Variants in SEMA6D observed in about 807,000 individuals in gnomAD.
SEMA6D encodes the protein semaphorin 6D, also known as semaphorin-6D.
Under a neutral mutation model 106.6 loss-of-function variants are expected in SEMA6D, and 35 were observed. The ratio of observed to expected loss-of-function variants is 0.33; its 90% confidence interval spans 0.25 to 0.44. The LOEUF (loss-of-function observed/expected upper bound fraction) is 0.44. Among genes scored for constraint, SEMA6D ranks in the 20% least tolerant of loss-of-function variants. The pLI is 1.00. For synonymous variants in SEMA6D, 499 were observed against 487.7 expected, an observed-to-expected ratio of 1.02 and a Z score of -0.31; for missense variants, 1,185 against 1,345.9, an observed-to-expected ratio of 0.88 and a Z score of 1.87.
intron 3 of SEMA6D, among the ~76,000 whole-genome samples, chr15:47,513,056 A>C (rs1168299818): frequency 6.6e-6 from 1 of 152,168 alleles, no homozygotes; most frequent in East Asian, 1.9e-4. Context: ...AAATTTCAAT[A>C]GCTTCTGAAA....
intron 1 of SEMA6D, among the ~76,000 whole-genome samples, chr15:47,189,844 C>T (rs1417026690): frequency 6.6e-6 from 1 of 152,156 alleles, no homozygotes; most frequent in Non-Finnish European, 1.5e-5. Flanking sequence ...TATTAGTACA[C>T]TAAATGTGCT....
In SEMA6D at chr15:47,563,397, C is replaced by A. The variant is rs2046136165; in HGVS notation, c.-86-37468C>A. Among the ~76,000 whole-genome samples the A allele has an allele frequency of 2.0e-5, 3 of 152,148 alleles. No individual in the cohort carries two copies. The South Asian group carries it at 6.2e-4, about 31-fold the overall frequency. On this transcript the variant is annotated intron_variant, in intron 3 of 19. Coordinates refer to the SEMA6D transcript ENST00000558014. ...ATGCCACTATATAGGCCACTCTTCT[C>A]ATCAGGAATAATAATTTGTTAAAAG...
At chr15:47,652,348 C>T (rs1164753555) in intron 4 of SEMA6D, among the ~76,000 whole-genome samples, 5 of 152,106 alleles carry the variant, frequency 3.3e-5, no homozygotes, top group African/African-American at 1.2e-4. Context: ...GGGTTAAGAT[C>T]AGTTTTACCA....
At chr15:47,437,955 G>A (rs895680991) in intron 2 of SEMA6D, among the ~76,000 whole-genome samples, 1 of 152,064 alleles carries the variant, frequency 6.6e-6, no homozygotes, top group African/African-American at 2.4e-5. Context: ...TGATGTGTGT[G>A]GTGGAGGGAG....
chr15:47,202,312 A>G (rs998003751), intron 1 of SEMA6D, among the ~76,000 whole-genome samples: 2 of 152,062 alleles, frequency 1.3e-5, no homozygotes, highest in African/African-American at 4.8e-5. Context: ...GAAACGGGTG[A>G]TCAACAGCTT....
intron 1 of SEMA6D, among the ~76,000 whole-genome samples, chr15:47,280,174 G>A (rs1056876209): frequency 6.6e-6 from 1 of 152,096 alleles, no homozygotes; most frequent in African/African-American, 2.4e-5. Flanking sequence ...TTCTTGGTTG[G>A]TAAGCTATTG....
chr15:47,590,417 A>C (rs368917872), intron 3 of SEMA6D, among the ~76,000 whole-genome samples: 5 of 152,216 alleles, frequency 3.3e-5, no homozygotes, highest in African/African-American at 9.6e-5. Context: ...CATTAGGAGA[A>C]ATATCTAACG....
At chr15:47,364,212 G>A (rs2038923122) in intron 1 of SEMA6D, among the ~76,000 whole-genome samples, 2 of 152,168 alleles carry the variant, frequency 1.3e-5, no homozygotes, top group African/African-American at 2.4e-5. Context: ...GACTTGCTCC[G>A]AAACAAAACT....
intron 3 of SEMA6D, among the ~76,000 whole-genome samples, chr15:47,495,085 T>C (rs1477090673): frequency 6.6e-6 from 1 of 151,644 alleles, no homozygotes; most frequent in Admixed American, 6.6e-5. Context: ...GTCAACTCCA[T>C]GAGGGACTAA....
chr15:47,249,640 T>C (rs1416800634), intron 1 of SEMA6D, among the ~76,000 whole-genome samples: 3 of 152,078 alleles, frequency 2.0e-5, no homozygotes. Flanking sequence ...GCTGAATCTA[T>C]TTCCCAGAAG....
intron 2 of SEMA6D, among the ~76,000 whole-genome samples, chr15:47,467,717 C>A (rs1203577898): frequency 6.6e-6 from 1 of 152,094 alleles, no homozygotes; most frequent in Non-Finnish European, 1.5e-5. Flanking sequence ...TCTTTTCTTT[C>A]CCTGCCAGGA....
intron 1 of SEMA6D, among the ~76,000 whole-genome samples, chr15:47,298,614 G>T (rs1207383983): frequency 1.3e-5 from 2 of 152,122 alleles, no homozygotes; most frequent in African/African-American, 4.8e-5. Context: ...TCTGTGCAAT[G>T]CTCCATCAAC....
intron 1 of SEMA6D, among the ~76,000 whole-genome samples, chr15:47,202,307 G>T (rs542736373): frequency 1.3e-5 from 2 of 152,014 alleles, no homozygotes; most frequent in African/African-American, 2.4e-5. Context: ...CAACTGAAAC[G>T]GGTGATCAAC....
chr15:47,256,267 G>T (rs2033798138), intron 1 of SEMA6D, among the ~76,000 whole-genome samples: 1 of 152,156 alleles, frequency 6.6e-6, no homozygotes. Flanking sequence ...GATTTTGATA[G>T]AAGTTGCGTT....
At chr15:47,633,271 C>T (rs115541795) in intron 4 of SEMA6D, among the ~76,000 whole-genome samples, 1,861 of 152,058 alleles carry the variant, frequency 0.012, 40 homozygotes, top group African/African-American at 0.043. Context: ...TTCCTTTCTT[C>T]AGTCATTATT....
At chr15:47,730,688 T>A in intron 1 of SEMA6D, 1 of 1,608,474 alleles carries the variant, frequency 6.2e-7, no homozygotes, top group Non-Finnish European at 8.5e-7. Flanking sequence ...AGGGCCTGGG[T>A]GAACTGGTTA....
chr15:47,583,409 G>A (rs752741906), intron 3 of SEMA6D, among the ~76,000 whole-genome samples: 4 of 152,140 alleles, frequency 2.6e-5, no homozygotes, highest in African/African-American at 7.2e-5. Context: ...TCTTCTGCTC[G>A]TGAGACCATT....
chr15:47,566,706 C>T (rs903152139), intron 3 of SEMA6D, among the ~76,000 whole-genome samples: 2 of 152,168 alleles, frequency 1.3e-5, no homozygotes, highest in South Asian at 2.1e-4. Context: ...CGTCCCCAAC[C>T]GGAGTTCCAC....
intron 4 of SEMA6D, among the ~76,000 whole-genome samples, chr15:47,651,645 CAG>C (rs1347423225): frequency 2.6e-5 from 4 of 152,194 alleles, no homozygotes; most frequent in East Asian, 1.9e-4. Context: ...GGTTTATTAT[CAG>C]GGGATGTTCT....
Sources: gnomAD v4.1 joint callset for allele counts (sites outside exome capture counted in the v4.1 genomes callset) on GRCh38, gnomAD v4.1.1 for gene constraint, MANE v1.5 for transcripts, NCBI Gene and HGNC (gene_info 2026-07-23, HGNC 2026-07-21) for gene names.